CCNY: variants seen among roughly 807,000 people sequenced by gnomAD.
CCNY encodes the protein cyclin Y.
CCNY carries 19 observed loss-of-function variants against 42.8 expected under a neutral mutation model. The ratio of observed to expected loss-of-function variants is 0.44; its 90% CI spans 0.31 to 0.65. The LOEUF (loss-of-function observed/expected upper bound fraction) is 0.65. Among genes scored for constraint, CCNY ranks in the 30% least tolerant of loss-of-function variants. The pLI is 0.07. For synonymous variants in CCNY, 165 were observed against 162.7 expected (o/e 1.01, Z -0.11); for missense variants, 370 against 437.3 (o/e 0.85, Z 1.37).
chr10:35,298,599 TCAAACTC>T (rs1229999893), intron 3 of CCNY, among the ~76,000 whole-genome samples: 2 of 152,144 alleles, frequency 1.3e-5, no homozygotes, highest in African/African-American at 2.4e-5. Context: ...CACTGCAGCT[TCAAACTC>T]CTGGGCTCAG....
At chr10:35,275,774 A>G (rs1835232109) in intron 3 of CCNY, among the ~76,000 whole-genome samples, 1 of 151,960 alleles carries the variant, frequency 6.6e-6, no homozygotes, top group African/African-American at 2.4e-5. Flanking sequence ...AAAAAAAAAA[A>G]GAGTGTGTCC....
At chr10:35,421,160 G>A (rs535295504) in intron 1 of CCNY, among the ~76,000 whole-genome samples, 7 of 152,336 alleles carry the variant, frequency 4.6e-5, no homozygotes, top group East Asian at 1.9e-4. Context: ...TGGACAGGCC[G>A]CTTCTGGAGA....
chr10:35,344,841 G>C (rs1056219206), intron 1 of CCNY, among the ~76,000 whole-genome samples: 1 of 151,734 alleles, frequency 6.6e-6, no homozygotes, highest in African/African-American at 2.4e-5. Context: ...TTTTTTGTCC[G>C]TGCGATAGTT....
intron 3 of CCNY, among the ~76,000 whole-genome samples, chr10:35,292,648 C>T (rs556270052): frequency 2.0e-5 from 3 of 152,158 alleles, no homozygotes; most frequent in Non-Finnish European, 4.4e-5. Flanking sequence ...AAGCCTGAGC[C>T]ACCGTGCCCT....
chr10:35,272,948 T>C (rs1835191727), intron 3 of CCNY, among the ~76,000 whole-genome samples: 1 of 152,110 alleles, frequency 6.6e-6, no homozygotes, highest in South Asian at 2.1e-4. Context: ...TTTGACTTTT[T>C]AATAATGGTC....
intron 1 of CCNY, among the ~76,000 whole-genome samples, chr10:35,411,397 C>T (rs1271392085): frequency 8.0e-5 from 12 of 150,384 alleles, no homozygotes; most frequent in Non-Finnish European, 1.5e-4. Context: ...CCTGTGATCT[C>T]GGCTACTTGG....
intron 3 of CCNY, among the ~76,000 whole-genome samples, chr10:35,512,036 G>A (rs568079374): frequency 1.1e-4 from 17 of 152,290 alleles, no homozygotes; most frequent in African/African-American, 3.9e-4. Context: ...GAGAGTCCAC[G>A]TGGCTTTCAT....
At chr10:35,556,134 C>T (rs1291983417) in intron 8 of CCNY, among the ~76,000 whole-genome samples, 1 of 152,150 alleles carries the variant, frequency 6.6e-6, no homozygotes, top group East Asian at 1.9e-4. Flanking sequence ...ACTGGCTGAA[C>T]CTTAGTGACT....
In CCNY at chr10:35,530,061, T is replaced by C. The variant is rs759578001; in HGVS notation, c.459+31T>C. The C allele has an allele frequency of 1.9e-6, 3 of 1,614,080 alleles. No individual in the cohort carries two copies. Among genetic ancestry groups the C allele is most frequent in the South Asian group, 1.1e-5 (1 of 91,082 alleles). The stretch of plus-strand genomic sequence containing the variant: ...CTCCTCCGTGTGTTTCATGAGATGA[T>C]TTAATTATTTCTCTTTTGCTCCAAT... On this transcript the variant is annotated intron_variant, in intron 6 of 9. Coordinates refer to ENST00000374704, the MANE Select transcript of CCNY (RefSeq NM_145012.6). This position sits in a 1 kb window ranked among gnomAD's most constrained non-coding sequence, Gnocchi z 4.3.
chr10:35,322,353 C>CA (rs34956470), intron 3 of CCNY, among the ~76,000 whole-genome samples: 2,087 of 101,656 alleles, frequency 0.021, 19 homozygotes, highest in African/African-American at 0.038. Flanking sequence ...GACTCTGTCT[C>CA]AAAAAAAAAA....
intron 1 of CCNY, among the ~76,000 whole-genome samples, chr10:35,447,916 C>T (rs1838827846): frequency 6.6e-6 from 1 of 152,230 alleles, no homozygotes; most frequent in African/African-American, 2.4e-5. Context: ...AGGCCTGCCC[C>T]TGGCATTTCC....
At chr10:35,375,093 T>C (rs764770598) in intron 1 of CCNY, among the ~76,000 whole-genome samples, 1 of 152,136 alleles carries the variant, frequency 6.6e-6, no homozygotes, top group Non-Finnish European at 1.5e-5. Flanking sequence ...GAAGGACTTA[T>C]ACTGTGTTAA....
intron 3 of CCNY, among the ~76,000 whole-genome samples, chr10:35,329,387 T>TAAAAATA (rs1300983210): frequency 7.2e-5 from 11 of 151,958 alleles, no homozygotes; most frequent in African/African-American, 2.4e-4. Flanking sequence ...CCATCTCTAC[T>TAAAAATA]AAAAATAAAA....
chr10:35,488,443 C>T (rs956314190), intron 2 of CCNY, among the ~76,000 whole-genome samples: 1 of 152,158 alleles, frequency 6.6e-6, no homozygotes, highest in Non-Finnish European at 1.5e-5. Context: ...TTGCTGTCCT[C>T]ACCTCACTTG....
At chr10:35,268,268 C>G (rs1023528284) in intron 3 of CCNY, among the ~76,000 whole-genome samples, 1 of 152,172 alleles carries the variant, frequency 6.6e-6, no homozygotes. Flanking sequence ...AATCCCAACA[C>G]TTTTGGAGGC....
chr10:35,390,512 G>A (rs1837391899), intron 1 of CCNY, among the ~76,000 whole-genome samples: 1 of 152,176 alleles, frequency 6.6e-6, no homozygotes, highest in Non-Finnish European at 1.5e-5. Context: ...CTGCTTTGAG[G>A]ATGTGCCTAC....
At chr10:35,467,850 CCT>C (rs1454136588) in intron 1 of CCNY, among the ~76,000 whole-genome samples, 1 of 152,086 alleles carries the variant, frequency 6.6e-6, no homozygotes, top group Non-Finnish European at 1.5e-5. Context: ...ATGTAGAGCC[CCT>C]GTTAGTTGGA....
At chr10:35,316,817 T>G (rs571875606) in intron 3 of CCNY, among the ~76,000 whole-genome samples, 2 of 152,286 alleles carry the variant, frequency 1.3e-5, no homozygotes, top group South Asian at 4.1e-4. Context: ...AAGCAAGAAT[T>G]CACTGATTGA....
intron 1 of CCNY, among the ~76,000 whole-genome samples, chr10:35,466,785 T>A (rs1839279280): frequency 6.6e-6 from 1 of 152,138 alleles, no homozygotes; most frequent in South Asian, 2.1e-4. Context: ...TGGTGTTTTT[T>A]AAATAGAGAC....
Sources: allele counts gnomAD v4.1 joint callset (sites outside exome capture counted in the v4.1 genomes callset), GRCh38; gene constraint gnomAD v4.1.1; non-coding constraint Gnocchi (gnomAD v3.1); transcripts MANE v1.5; gene names NCBI Gene and HGNC (gene_info 2026-07-23, HGNC 2026-07-21).